The following CLIC5 variants were observed in gnomAD, a reference collection of about 807,000 sequenced individuals.
CLIC5 encodes CLIC family member 5.
In CLIC5, 20 loss-of-function variants were observed where a neutral mutation model predicts 24.7. The ratio of observed to expected loss-of-function variants is 0.81; its 90% CI spans 0.57 to 1.18. CLIC5 has a LOEUF of 1.18. Among genes scored for constraint, CLIC5 ranks in the 50% most tolerant of loss-of-function variants. The probability of loss-of-function intolerance (pLI) is 0.00; values close to 1 mark genes in which losing one functional copy is unlikely to be tolerated. For synonymous variants in CLIC5, 159 were observed against 135.6 expected (o/e 1.17, Z -1.20); for missense variants, 341 against 326.1 (o/e 1.05, Z -0.35).
chr6:45,890,641 C>T (rs1762340160), intron 6 of CLIC5, among the ~76,000 whole-genome samples: 1 of 151,912 alleles, frequency 6.6e-6, no homozygotes, highest in Non-Finnish European at 1.5e-5. Flanking sequence ...TCACAATAGC[C>T]AAGATATGGA....
At chr6:46,087,199 G>C in the CLIC5 span, among the ~76,000 whole-genome samples, 1 of 152,128 alleles carries the variant, frequency 6.6e-6, no homozygotes, top group African/African-American at 2.4e-5. Context: ...ATCTGGAAGA[G>C]GTCCTAGAGG....
At chr6:45,947,033 G>A (rs760747584) in intron 3 of CLIC5, among the ~76,000 whole-genome samples, 34 of 152,222 alleles carry the variant, frequency 2.2e-4, no homozygotes, top group Non-Finnish European at 4.1e-4. Context: ...GAAGGTAGGT[G>A]GAGAGGAGGG....
intron 1 of CLIC5, among the ~76,000 whole-genome samples, chr6:46,069,130 G>A (rs1398645523): frequency 2.6e-5 from 4 of 152,164 alleles, no homozygotes; most frequent in Admixed American, 1.3e-4. Context: ...GTGCAGGGAA[G>A]TACAGGCTAG....
Position 46,004,294 on chromosome 6 carries a change from C to G in CLIC5, c.63+11186G>C, listed in dbSNP as rs576988845. ...ACGGTAGAGACTAGCTCCAAACCTGCTTCCTCTCTGTCCTTGCAGCACAGT... is the reference window on the plus strand; with the variant it reads ...ACGGTAGAGACTAGCTCCAAACCTGGTTCCTCTCTGTCCTTGCAGCACAGT... On this transcript the variant is annotated intron_variant, in intron 1 of 5. Coordinates refer to ENST00000339561, the MANE Select transcript of CLIC5 (RefSeq NM_016929.5). Among the ~76,000 whole-genome samples, 10 of 152,304 alleles carry G rather than the reference C, an allele frequency of 6.6e-5. No individual in the cohort carries two copies. The East Asian group carries it at 1.7e-3, about 26-fold the overall frequency.
chr6:45,917,073 C>T (rs1017128565), intron 4 of CLIC5, among the ~76,000 whole-genome samples: 4 of 152,174 alleles, frequency 2.6e-5, no homozygotes, highest in East Asian at 3.9e-4. Flanking sequence ...GGGTCCCTTC[C>T]AAGCGCTTGG....
chr6:45,994,755 G>T (rs1471842989), intron 1 of CLIC5, among the ~76,000 whole-genome samples: 2 of 152,176 alleles, frequency 1.3e-5, no homozygotes, highest in Non-Finnish European at 2.9e-5. Flanking sequence ...GACAGAGGGT[G>T]CCCAGTGCCT....
At chr6:46,113,957 G>T in the CLIC5 span, among the ~76,000 whole-genome samples, 1 of 152,166 alleles carries the variant, frequency 6.6e-6, no homozygotes, top group Non-Finnish European at 1.5e-5. Flanking sequence ...ACCAGAAAGT[G>T]GGGGGAATCT....
chr6:45,950,028 A>G (rs1430410897), intron 2 of CLIC5, among the ~76,000 whole-genome samples: 2 of 152,228 alleles, frequency 1.3e-5, no homozygotes, highest in Non-Finnish European at 2.9e-5. Flanking sequence ...TAGATTGAAA[A>G]CAAAACTATT....
chr6:46,115,863 A>G, the CLIC5 span, among the ~76,000 whole-genome samples: 47,902 of 152,262 alleles, frequency 0.31, 7,969 homozygotes, highest in Middle Eastern at 0.44. Flanking sequence ...GGGCCCAGCC[A>G]GTTTTTCACA....
chr6:45,903,051 G>A lies in CLIC5; in HGVS notation c.*37C>T. The A allele has an allele frequency of 6.2e-7, 1 of 1,612,208 alleles. No homozygotes were observed. Among genetic ancestry groups the A allele is most frequent in the Non-Finnish European group, 8.5e-7 (1 of 1,178,942 alleles). On this transcript the variant is annotated 3_prime_UTR_variant, in exon 6 of 6. Coordinates refer to ENST00000339561, the MANE Select transcript of CLIC5 (RefSeq NM_016929.5). ...GCTGGAGTCTTAGGGGAGTGGTTGA[G>A]TCCTTCTGCAGCGGGGATGGGGCAA...
chr6:46,019,479 G>C (rs575555589), upstream of CLIC5, among the ~76,000 whole-genome samples: 1 of 151,758 alleles, frequency 6.6e-6, no homozygotes, highest in African/African-American at 2.4e-5. Flanking sequence ...GAGGTCAGGA[G>C]ATCGAGACCA....
exon 1 of CLIC5, chr6:46,079,891 G>C: frequency 6.4e-7 from 1 of 1,552,020 alleles, no homozygotes; most frequent in Non-Finnish European, 8.7e-7. Context: ...GCGCAGAGTT[G>C]CTGGTCCTGG....
chr6:46,012,773 C>T (rs766451967), intron 1 of CLIC5, among the ~76,000 whole-genome samples: 15 of 152,226 alleles, frequency 9.9e-5, no homozygotes, highest in Admixed American at 4.6e-4. Flanking sequence ...TTCTTAGTTC[C>T]CTGGGCTGTT....
Position 45,903,206 on chromosome 6 carries a change from C to T in CLIC5, c.638G>A (p.Gly213Asp). 3.1e-6 allele frequency: 5 copies of T among 1,612,170 alleles called. No individual in the cohort carries two copies. Among genetic ancestry groups the T allele is most frequent in the Non-Finnish European group, 4.2e-6 (5 of 1,179,316 alleles). ...GGCGTTCTTGAGGTACCGCCACAGG[C>T]CTGTCATCTCAGCCGGGATATCATA... Reference protein sequence around the residue: ...RNYDIPAEMTGLWRYLKNAYA... With the variant: ...RNYDIPAEMTDLWRYLKNAYA... Residue 213 changes from glycine to aspartate, a missense_variant, in exon 6 of 6, where the codon GGC becomes GAC. Transcript: ENST00000339561.
At chr6:45,972,638 T>C (rs1765238520) in intron 1 of CLIC5, among the ~76,000 whole-genome samples, 1 of 152,148 alleles carries the variant, frequency 6.6e-6, no homozygotes, top group African/African-American at 2.4e-5. Flanking sequence ...GAAATGAAGA[T>C]TCTCAGGCCA....
In CLIC5 at chr6:45,972,752, A is replaced by G. The variant is rs147319920; in HGVS notation, c.64-17508T>C. Reference sequence around the variant, plus strand: ...CTGGTCTTCAGAACCTTTGCAAGATAAAGGCCTCATACAGCAACAATCGGA... The same window carrying G: ...CTGGTCTTCAGAACCTTTGCAAGATGAAGGCCTCATACAGCAACAATCGGA... On this transcript the variant is annotated intron_variant, in intron 1 of 5. Coordinates refer to ENST00000339561, the MANE Select transcript of CLIC5 (RefSeq NM_016929.5). 3.2e-4 allele frequency among the ~76,000 whole-genome samples: 49 copies of G among 152,352 alleles called. No homozygotes were observed. In the East Asian group the frequency reaches 9.2e-3, roughly 29 times the overall value.
chr6:46,038,147 G>A (rs1350173205), intron 1 of CLIC5, among the ~76,000 whole-genome samples: 1 of 152,128 alleles, frequency 6.6e-6, no homozygotes. Context: ...GGACCCAGGA[G>A]CTCACTTGAT....
chr6:45,923,125 G>A lies in CLIC5; in HGVS notation c.407-8716C>T, dbSNP rs548433701. ...AACCCATCGTGCTAATAGAAAGTACGGCATAAATGCTGACGGAAGCTATTA... is the reference window on the plus strand; with the variant it reads ...AACCCATCGTGCTAATAGAAAGTACAGCATAAATGCTGACGGAAGCTATTA... On this transcript the variant is annotated intron_variant, in intron 4 of 5. Transcript: ENST00000339561. Among the ~76,000 whole-genome samples the A allele has an allele frequency of 2.9e-4, 44 of 152,254 alleles. 2 individuals carry two copies. The South Asian group carries it at 7.7e-3, about 27-fold the overall frequency.
chr6:45,998,629 G>A (rs1766239087), intron 1 of CLIC5, among the ~76,000 whole-genome samples: 2 of 152,196 alleles, frequency 1.3e-5, no homozygotes, highest in Non-Finnish European at 1.5e-5. Flanking sequence ...AAGTAATTCA[G>A]AATGCTTCAT....
Sources: allele counts gnomAD v4.1 joint callset (sites outside exome capture counted in the v4.1 genomes callset), GRCh38; gene constraint gnomAD v4.1.1; transcripts MANE v1.5; gene names NCBI Gene and HGNC (gene_info 2026-07-23, HGNC 2026-07-21).